The following FOXP2 variants were observed in gnomAD, a reference collection of about 807,000 sequenced individuals.
The protein encoded by FOXP2 is forkhead box protein P2.
FOXP2 carries 12 observed loss-of-function variants against 115.8 expected under a neutral mutation model. The observed-to-expected ratio is 0.10, with a 90% CI of 0.07 to 0.17. The LOEUF is 0.17. FOXP2 is among the 10% of genes least tolerant of loss of function. The pLI is 1.00. For missense variants in FOXP2, 629 were observed against 843.5 expected (o/e 0.75, Z 3.15); for synonymous variants, 328 against 297.7 (o/e 1.10, Z -1.05).
chr7:114,339,796 C>T (rs1484975301), intron 2 of FOXP2, among the ~76,000 whole-genome samples: 1 of 151,110 alleles, frequency 6.6e-6, no homozygotes, highest in Non-Finnish European at 1.5e-5. Context: ...ATCTGTTGCT[C>T]TTTTAAAGTC....
At chr7:114,271,716 A>G (rs1325794888) in intron 1 of FOXP2, among the ~76,000 whole-genome samples, 5 of 117,196 alleles carry the variant, frequency 4.3e-5, no homozygotes, top group African/African-American at 1.4e-4. Context: ...TATTTAATAC[A>G]TATGTATTAA....
chr7:114,597,514 A>G (rs780672410), intron 3 of FOXP2, among the ~76,000 whole-genome samples: 2 of 152,116 alleles, frequency 1.3e-5, no homozygotes, highest in Non-Finnish European at 2.9e-5. Flanking sequence ...AAAGGATATG[A>G]CATTCAGGCA....
chr7:114,656,412 T>C (rs750908600), intron 10 of FOXP2: 1 of 356,816 alleles, frequency 2.8e-6, no homozygotes, highest in South Asian at 2.0e-5. Context: ...AACATTGTTA[T>C]GTATATGTTC....
At chr7:114,254,238 A>G (rs1192593587) in intron 1 of FOXP2, among the ~76,000 whole-genome samples, 2 of 151,918 alleles carry the variant, frequency 1.3e-5, no homozygotes, top group African/African-American at 4.8e-5. Context: ...TTTTTCCTTC[A>G]TTTCAACTTT....
upstream of FOXP2, among the ~76,000 whole-genome samples, chr7:114,414,072 G>A (rs542026276): frequency 6.6e-6 from 1 of 152,032 alleles, no homozygotes; most frequent in Non-Finnish European, 1.5e-5. Flanking sequence ...GAAAATTATT[G>A]CAAATAAACC....
chr7:114,241,146 C>A (rs949328522), intron 1 of FOXP2, among the ~76,000 whole-genome samples: 5 of 151,914 alleles, frequency 3.3e-5, no homozygotes, highest in African/African-American at 1.2e-4. Flanking sequence ...CATTACCACA[C>A]CAAGCACTTA....
intron 2 of FOXP2, among the ~76,000 whole-genome samples, chr7:114,322,128 TC>T (rs201254841): frequency 0.015 from 2,262 of 150,170 alleles, 25 homozygotes; most frequent in African/African-American, 0.027. Flanking sequence ...GCTCAAGCAA[TC>T]CCCCTGCCTT....
At chr7:114,642,808 A>ATTT (rs1470050405) in intron 7 of FOXP2, among the ~76,000 whole-genome samples, 185 bp downstream of exon 7, 8 of 58,468 alleles carry the variant, frequency 1.4e-4, no homozygotes, top group South Asian at 5.7e-4. Flanking sequence ...ATATATATAT[A>ATTT]TATATTTTTT....
intron 8 of FOXP2, among the ~76,000 whole-genome samples, chr7:114,648,000 G>A (rs1806012424): frequency 6.6e-6 from 1 of 151,844 alleles, no homozygotes; most frequent in Non-Finnish European, 1.5e-5. Context: ...ATTAGTAGAT[G>A]GGTGTAAATG....
At chr7:114,112,569 G>A (rs1268648438) in intron 1 of FOXP2, among the ~76,000 whole-genome samples, 1 of 152,106 alleles carries the variant, frequency 6.6e-6, no homozygotes, top group Admixed American at 6.5e-5. Flanking sequence ...CAAAGTGCTG[G>A]GATTACAGGC....
At chr7:114,574,800 C>A (rs1262680208) in intron 3 of FOXP2, among the ~76,000 whole-genome samples, 1 of 151,786 alleles carries the variant, frequency 6.6e-6, no homozygotes, top group Non-Finnish European at 1.5e-5. Flanking sequence ...ATTTTTAAAA[C>A]CTTTAGCATT....
chr7:114,217,196 C>T (rs939368745), intron 1 of FOXP2, among the ~76,000 whole-genome samples: 11 of 152,104 alleles, frequency 7.2e-5, no homozygotes, highest in Admixed American at 6.6e-4. Context: ...AGTTTATTGT[C>T]ATTAAAAAAT....
intron 1 of FOXP2, among the ~76,000 whole-genome samples, chr7:114,276,099 T>C (rs1003414557): frequency 2.0e-5 from 3 of 152,194 alleles, no homozygotes; most frequent in Non-Finnish European, 4.4e-5. Context: ...GGTTAACTAG[T>C]CTCTCCTGAG....
At chr7:114,577,243 G>A (rs555317403) in intron 3 of FOXP2, among the ~76,000 whole-genome samples, 18 of 151,888 alleles carry the variant, frequency 1.2e-4, no homozygotes, top group Non-Finnish European at 2.1e-4. Context: ...TAAGCAGCAC[G>A]GGACTTCCAC....
At chr7:114,361,426 C>A (rs1332330637) in intron 2 of FOXP2, among the ~76,000 whole-genome samples, 1 of 151,768 alleles carries the variant, frequency 6.6e-6, no homozygotes, top group African/African-American at 2.4e-5. Context: ...TTAAATAGGC[C>A]AAGAAAGACA....
At chr7:114,183,950 C>T (rs901298318) in intron 1 of FOXP2, among the ~76,000 whole-genome samples, 4 of 152,110 alleles carry the variant, frequency 2.6e-5, no homozygotes, top group African/African-American at 9.7e-5. Flanking sequence ...ATGTGGTACA[C>T]AAGACGAGAA....
chr7:114,658,467 G>A (rs1315892496), intron 11 of FOXP2, among the ~76,000 whole-genome samples, 200 bp downstream of exon 11: 1 of 152,140 alleles, frequency 6.6e-6, no homozygotes, highest in African/African-American at 2.4e-5. Context: ...TGGTTGTTCA[G>A]GAAAGAAAGC....
At position 114,144,430 on chromosome 7, in the gene FOXP2, A is replaced by G. The variant is rs565119171; in HGVS notation, c.-246-18514A>G. Among the ~76,000 whole-genome samples the G allele has an allele frequency of 6.0e-4, 91 of 152,254 alleles. 1 individual carries two copies. Among genetic ancestry groups the G allele is most frequent in the Middle Eastern group, 3.4e-3 (1 of 294 alleles). ...TGACATTTAAATTTTAATAGTCGTT[A>G]GTATTACATTGGATGACTTTTTCAT... On this transcript the variant is annotated intron_variant, in intron 1 of 19. Transcript: ENST00000635638.
intron 1 of FOXP2, among the ~76,000 whole-genome samples, chr7:114,264,998 G>GAT (rs1259867539): frequency 5.3e-5 from 8 of 152,146 alleles, no homozygotes; most frequent in Non-Finnish European, 1.0e-4. Flanking sequence ...CAACATTGGG[G>GAT]ATTATAATTG....
Sources: gnomAD v4.1 joint callset for allele counts (sites outside exome capture counted in the v4.1 genomes callset) on GRCh38, gnomAD v4.1.1 for gene constraint, MANE v1.5 for transcripts, NCBI Gene and HGNC (gene_info 2026-07-23, HGNC 2026-07-21) for gene names.